ZCWPW2: variants seen among roughly 807,000 people sequenced by gnomAD.
ZCWPW2 encodes zinc finger CW-type and PWWP domain containing 2.
ZCWPW2 carries 45 observed loss-of-function variants against 46.6 expected under a neutral mutation model. The observed-to-expected ratio is 0.96, with a 90% CI of 0.76 to 1.24. The LOEUF is 1.24. Ranked by LOEUF, ZCWPW2 falls within the 50% of genes most tolerant of loss-of-function variation. The pLI, the probability that ZCWPW2 is intolerant of heterozygous loss-of-function variation, is 0.00. For missense variants in ZCWPW2, 429 were observed against 403.9 expected (o/e 1.06, Z -0.53); for synonymous variants, 152 against 137.1 (o/e 1.11, Z -0.76).
At chr3:28,434,307 G>T (rs1461261676) in intron 3 of ZCWPW2, among the ~76,000 whole-genome samples, 1 of 152,018 alleles carries the variant, frequency 6.6e-6, no homozygotes, top group Non-Finnish European at 1.5e-5. Context: ...CTTATCAGGG[G>T]TGTTAATGAC....
intron 6 of ZCWPW2, among the ~76,000 whole-genome samples, chr3:28,500,684 G>T (rs1393731951): frequency 6.6e-6 from 1 of 152,086 alleles, no homozygotes; most frequent in Admixed American, 6.6e-5. Flanking sequence ...AGGATAAGTT[G>T]CTTACATTTT....
chr3:28,398,460 C>A (rs994259858), intron 2 of ZCWPW2, among the ~76,000 whole-genome samples: 1 of 152,072 alleles, frequency 6.6e-6, no homozygotes, highest in African/African-American at 2.4e-5. Context: ...AGCTTCAACT[C>A]GGATGGATAG....
intron 5 of ZCWPW2, 76 bp from the exon 6 acceptor site, chr3:28,492,051 A>C: frequency 7.2e-7 from 1 of 1,392,122 alleles, no homozygotes; most frequent in Non-Finnish European, 1.0e-6. Flanking sequence ...AGAAAATTCT[A>C]ATTGTGTAAT....
At chr3:28,378,655 T>G (rs1027286984) in intron 1 of ZCWPW2, among the ~76,000 whole-genome samples, 6 of 152,152 alleles carry the variant, frequency 3.9e-5, no homozygotes, top group African/African-American at 1.4e-4. Context: ...GTTCAACTGA[T>G]ACACATGGCC....
chr3:28,508,447 A>G (rs2125829503), intron 6 of ZCWPW2, among the ~76,000 whole-genome samples: 1 of 152,168 alleles, frequency 6.6e-6, no homozygotes, highest in Non-Finnish European at 1.5e-5. Context: ...AAATAGCTAC[A>G]TGAGGTTTCT....
At chr3:28,476,037 G>C (rs1376055578) in intron 4 of ZCWPW2, among the ~76,000 whole-genome samples, 1 of 151,768 alleles carries the variant, frequency 6.6e-6, no homozygotes, top group African/African-American at 2.4e-5. Context: ...AATTCAATCT[G>C]CAAGAAAATT....
rs61349495 is a variant in ZCWPW2, at chr3:28,468,605, T to C, written c.493-10209T>C. On this transcript the variant is annotated intron_variant, in intron 4 of 9. Coordinates refer to ENST00000383768, the MANE Select transcript of ZCWPW2 (RefSeq NM_001040432.4). Reference sequence around the variant, plus strand: ...CAAATAACAAACAATGGTACTCCGATATACCTGTCAGCAAACTGTTCAGTG... The same window carrying C: ...CAAATAACAAACAATGGTACTCCGACATACCTGTCAGCAAACTGTTCAGTG... Among the ~76,000 whole-genome samples the C allele has an allele frequency of 1.7e-3, 258 of 152,300 alleles. 2 individuals are homozygous for C. Among genetic ancestry groups the C allele is most frequent in the African/African-American group, 5.9e-3 (245 of 41,574 alleles).
chr3:28,458,651 C>T lies in ZCWPW2; in HGVS notation c.493-20163C>T, dbSNP rs148023177. On this transcript the variant is annotated intron_variant, in intron 4 of 9. Coordinates refer to ENST00000383768, the MANE Select transcript of ZCWPW2 (RefSeq NM_001040432.4). ...ATGTCAACCTGCTTGAAATTTACAT[C>T]GGGGCATCTGCTTCTCATCTTCATA... Among the ~76,000 whole-genome samples, 386 of 152,160 alleles carry T rather than the reference C, an allele frequency of 2.5e-3. 1 individual carries two copies. The highest frequency in any genetic ancestry group is 8.4e-3 in the African/African-American group (348 of 41,516).
intron 3 of ZCWPW2, among the ~76,000 whole-genome samples, chr3:28,424,613 T>A (rs1396837822): frequency 6.6e-6 from 1 of 152,160 alleles, no homozygotes; most frequent in Non-Finnish European, 1.5e-5. Flanking sequence ...ATTGATCTTA[T>A]ATGTTAATCC....
chr3:28,394,770 A>T (rs1212958913), intron 2 of ZCWPW2, among the ~76,000 whole-genome samples: 2 of 152,144 alleles, frequency 1.3e-5, no homozygotes, highest in Non-Finnish European at 2.9e-5. Flanking sequence ...AAAATATATT[A>T]AAAAATGAGA....
chr3:28,435,554 C>T (rs1284475267), intron 4 of ZCWPW2, among the ~76,000 whole-genome samples: 3 of 148,056 alleles, frequency 2.0e-5, no homozygotes, highest in East Asian at 2.0e-4. Context: ...GGCGCGATCT[C>T]GGCTCACTGC....
chr3:28,509,865 G>C (rs369967069), intron 6 of ZCWPW2, among the ~76,000 whole-genome samples: 1 of 151,962 alleles, frequency 6.6e-6, no homozygotes, highest in South Asian at 2.1e-4. Context: ...TGTGTTTCTG[G>C]TGTCATAGCT....
intron 4 of ZCWPW2, among the ~76,000 whole-genome samples, chr3:28,443,691 G>C (rs1487458185): frequency 6.6e-6 from 1 of 152,170 alleles, no homozygotes; most frequent in African/African-American, 2.4e-5. Flanking sequence ...GCCACCTTGG[G>C]ATCCAATGAT....
At chr3:28,511,988 C>A (rs1489142219) in intron 6 of ZCWPW2, among the ~76,000 whole-genome samples, 1 of 151,756 alleles carries the variant, frequency 6.6e-6, no homozygotes, top group African/African-American at 2.4e-5. Context: ...AGTATTAAAC[C>A]TTTTTATACT....
At chr3:28,460,798 T>G (rs1030564413) in intron 4 of ZCWPW2, among the ~76,000 whole-genome samples, 1 of 152,208 alleles carries the variant, frequency 6.6e-6, no homozygotes, top group African/African-American at 2.4e-5. Context: ...AATAGAATGA[T>G]GCGTCAGTGC....
At chr3:28,353,324 T>C (rs1480844819) in intron 1 of ZCWPW2, among the ~76,000 whole-genome samples, 1 of 152,236 alleles carries the variant, frequency 6.6e-6, no homozygotes, top group African/African-American at 2.4e-5. Flanking sequence ...TTACTTTTTT[T>C]ATTGTAGGGA....
intron 1 of ZCWPW2, among the ~76,000 whole-genome samples, chr3:28,385,562 A>T (rs1695239909): frequency 6.6e-6 from 1 of 152,168 alleles, no homozygotes; most frequent in South Asian, 2.1e-4. Context: ...AGTAGGATTG[A>T]CCATATCAGT....
At chr3:28,450,839 C>T (rs1452694332) in intron 4 of ZCWPW2, among the ~76,000 whole-genome samples, 1 of 152,166 alleles carries the variant, frequency 6.6e-6, no homozygotes, top group Non-Finnish European at 1.5e-5. Context: ...TGCCATATTG[C>T]TAAACTTGAG....
At chr3:28,494,486 C>T (rs1385798215) in intron 6 of ZCWPW2, among the ~76,000 whole-genome samples, 1 of 151,252 alleles carries the variant, frequency 6.6e-6, no homozygotes, top group Non-Finnish European at 1.5e-5. Context: ...TTTCTGAGGG[C>T]TCTGTTCTGT....
Sources: gnomAD v4.1 joint callset for allele counts (sites outside exome capture counted in the v4.1 genomes callset) on GRCh38, gnomAD v4.1.1 for gene constraint, MANE v1.5 for transcripts, NCBI Gene and HGNC (gene_info 2026-07-23, HGNC 2026-07-21) for gene names.